Variants in TRMT44 observed in about 807,000 individuals in gnomAD.
The protein encoded by TRMT44 is tRNA methyltransferase 44 homolog.
A neutral mutation model predicts 77.3 loss-of-function variants in TRMT44; 78 were observed. That is an observed-to-expected ratio of 1.01 (90% CI 0.84 to 1.22). The LOEUF is 1.22. Ranked by LOEUF, TRMT44 falls within the 50% of genes most tolerant of loss-of-function variation. The pLI is 0.00. For missense variants in TRMT44, 1,090 were observed against 964.4 expected (o/e 1.13, Z -1.73); for synonymous variants, 391 against 383.3 (o/e 1.02, Z -0.23).
Position 8,465,450 on chromosome 4 carries a change from G to A in TRMT44, c.1383G>A (p.Arg461=). 6.2e-7 allele frequency: 1 copy of A among 1,614,160 alleles called. No individual in the cohort carries two copies. The highest frequency in any genetic ancestry group is 8.5e-7 in the Non-Finnish European group (1 of 1,180,018). The change falls in exon 8 of 11, where the codon AGG becomes AGA. Residue 461 remains arginine (R), a synonymous_variant. Transcript: ENST00000389737. ...FFDFIGRYSR[R]QSKKTQYREY... is the part of the protein sequence containing the mutation. The stretch of plus-strand genomic sequence containing the variant: ...ACTTCATTGGAAGATACTCCCGGAG[G>A]CAGAGTAAGAAGACTCAGTACCGGG...
downstream of TRMT44, among the ~76,000 whole-genome samples, chr4:8,494,670 T>C (rs1417521077): frequency 2.6e-5 from 4 of 152,168 alleles, no homozygotes; most frequent in Non-Finnish European, 4.4e-5. Context: ...CCACCTTGAG[T>C]GCATGTCATC....
chr4:8,459,846 C>G lies in TRMT44; in HGVS notation c.1204-4139C>G, dbSNP rs1363181720. On this transcript the variant is annotated intron_variant, in intron 6 of 10. Coordinates refer to ENST00000389737, the MANE Select transcript of TRMT44 (RefSeq NM_152544.3). ...CATGGGAAGGGGTGGGAGGCAGACA[C>G]ACAGCCAGTGTGTGCAGCAGGTTCG... is the stretch of plus-strand genomic sequence containing the variant. 2.6e-5 allele frequency among the ~76,000 whole-genome samples: 4 copies of G among 152,204 alleles called. No individual in the cohort carries two copies. The East Asian group carries it at 7.7e-4, about 29-fold the overall frequency.
Position 8,461,254 on chromosome 4 carries a change from A to G in TRMT44, c.1204-2731A>G, listed in dbSNP as rs564227391. On this transcript the variant is annotated intron_variant, in intron 6 of 10. Coordinates refer to ENST00000389737, the MANE Select transcript of TRMT44 (RefSeq NM_152544.3). The surrounding 1 kb of genome is among the most constrained non-coding windows in gnomAD (Gnocchi z 4.6). ...CATTAGGAAATGTTTTCAAAACCTC[A>G]GGTTTGAGGAATGTTGGTAATCTAG... is the stretch of plus-strand genomic sequence containing the variant. Among the ~76,000 whole-genome samples the G allele has an allele frequency of 2.0e-5, 3 of 152,224 alleles. No individual in the cohort carries two copies. The highest frequency in any genetic ancestry group is 2.9e-5 in the Non-Finnish European group (2 of 68,016).
In TRMT44 at chr4:8,490,628, G is replaced by C. The variant is rs563750767; in HGVS notation, n.3892-2638G>C. On this transcript the variant is annotated intron_variant and non_coding_transcript_variant, in intron 2 of 2. Coordinates refer to the TRMT44 transcript ENST00000511366. Reference sequence around the variant, plus strand: ...TGGTCTCTCTGGCTTCAGGAGTGAAGCTGCAGACCTTCGCGGTGAGTGTTA... The same window carrying C: ...TGGTCTCTCTGGCTTCAGGAGTGAACCTGCAGACCTTCGCGGTGAGTGTTA... Among the ~76,000 whole-genome samples, 3 of 152,324 alleles carry C rather than the reference G, an allele frequency of 2.0e-5. No individual in the cohort carries two copies. In the South Asian group the frequency reaches 6.2e-4, roughly 32 times the overall value.
intron 2 of TRMT44, among the ~76,000 whole-genome samples, chr4:8,447,845 C>T (rs553400438): frequency 6.6e-6 from 1 of 152,308 alleles, no homozygotes; most frequent in African/African-American, 2.4e-5. Context: ...CCAGGCACCT[C>T]TGTGCTCGGC....
intron 10 of TRMT44, among the ~76,000 whole-genome samples, chr4:8,472,352 G>A (rs1038104191): frequency 2.3e-4 from 35 of 152,306 alleles, no homozygotes; most frequent in African/African-American, 7.9e-4. Flanking sequence ...GGTTACAGCC[G>A]CCATGACCAG....
chr4:8,496,095 T>A (rs1728142591), downstream of TRMT44, among the ~76,000 whole-genome samples: 1 of 152,158 alleles, frequency 6.6e-6, no homozygotes, highest in Non-Finnish European at 1.5e-5. Flanking sequence ...TGAGAAACCT[T>A]CATTTGCATA....
At chr4:8,466,896 G>T (rs1225896172) in intron 8 of TRMT44, among the ~76,000 whole-genome samples, 1 of 152,226 alleles carries the variant, frequency 6.6e-6, no homozygotes, top group African/African-American at 2.4e-5. Context: ...CAGGCACTGA[G>T]AATTTAAAAT....
intron 2 of TRMT44, among the ~76,000 whole-genome samples, chr4:8,489,632 A>G (rs756815442): frequency 2.0e-5 from 3 of 152,088 alleles, no homozygotes; most frequent in Non-Finnish European, 4.4e-5. Context: ...GTTAGCCACC[A>G]CGCCTGGCTA....
intron 6 of TRMT44, among the ~76,000 whole-genome samples, chr4:8,462,957 A>G (rs1579065049): frequency 6.6e-6 from 1 of 152,244 alleles, no homozygotes; most frequent in East Asian, 1.9e-4. Flanking sequence ...CTTGAACAAT[A>G]CTATTTTCAG....
At position 8,449,870 on chromosome 4, in the gene TRMT44, G is replaced by A. The variant is rs1189950813; in HGVS notation, c.936G>A (p.Lys312=). ...AGGCTTACCAGGAACTTAAAGAGAAGTATAAGGAAATGGTTAAGGTAATTC... is the reference window on the plus strand; with the variant it reads ...AGGCTTACCAGGAACTTAAAGAGAAATATAAGGAAATGGTTAAGGTAATTC... The part of the protein sequence containing the change: ...YSKAYQELKE[K]YKEMVKVWPE... Residue 312 remains lysine (K), a synonymous_variant, in exon 3 of 11, where the codon AAG becomes AAA. Transcript: ENST00000389737. 4.8e-6 allele frequency: 7 copies of A among 1,472,978 alleles called. No homozygotes were observed. The Admixed American group carries it at 1.2e-4, about 26-fold the overall frequency. 91.2% of individuals were successfully genotyped at this position (1,472,978 alleles called of 1,614,324 possible). A position where few individuals can be genotyped will look rare whatever the true frequency, so the allele number is the denominator to read the frequency against.
downstream of TRMT44, among the ~76,000 whole-genome samples, chr4:8,494,373 T>C (rs918088633): frequency 1.3e-5 from 2 of 152,204 alleles, no homozygotes; most frequent in Non-Finnish European, 2.9e-5. Context: ...CTCAAAGTCA[T>C]CCCTCTGCTC....
rs1368948894 is a variant in TRMT44, at chr4:8,476,154, A to G, written c.*153A>G. 7 of 697,560 alleles carry G rather than the reference A, an allele frequency of 1.0e-5. No individual in the cohort carries two copies. Among genetic ancestry groups the G allele is most frequent in the Non-Finnish European group, 1.2e-5 (5 of 422,510 alleles). The allele number at this position is 697,560 out of a possible 1,614,324, so 43.2% of individuals were successfully genotyped here. ...TCCTCACAGTGATGAACCGTATTTCATAAACATCACACGCCAGAGAAGCCA... is the reference window on the plus strand; with the variant it reads ...TCCTCACAGTGATGAACCGTATTTCGTAAACATCACACGCCAGAGAAGCCA... On this transcript the variant is annotated 3_prime_UTR_variant, in exon 11 of 11. Transcript: ENST00000389737.
At chr4:8,466,026 C>T (rs118096295) in intron 8 of TRMT44, among the ~76,000 whole-genome samples, 165 of 152,316 alleles carry the variant, frequency 1.1e-3, no homozygotes, top group East Asian at 5.6e-3. Context: ...GAAGTTGGCC[C>T]GGGGGCTTTC....
chr4:8,450,057 C>G (rs1314972959), intron 3 of TRMT44, among the ~76,000 whole-genome samples, 169 bp downstream of exon 3: 1 of 149,098 alleles, frequency 6.7e-6, no homozygotes, highest in Non-Finnish European at 1.5e-5. Context: ...ACCTCTGCCT[C>G]CCGGGTTCAA....
At chr4:8,479,849 C>T (rs919356655), downstream of TRMT44, among the ~76,000 whole-genome samples, 10 of 151,100 alleles carry the variant, frequency 6.6e-5, no homozygotes, top group Admixed American at 2.6e-4. Context: ...AAACACACAT[C>T]GTACAGCTGT....
chr4:8,515,682 G>A, the TRMT44 span, among the ~76,000 whole-genome samples: 1 of 152,132 alleles, frequency 6.6e-6, no homozygotes, highest in Admixed American at 6.5e-5. Context: ...TAGGGGTTGG[G>A]GTGCTCCTGA....
At chr4:8,476,637 AC>A (rs1229503941), downstream of TRMT44, 1 of 152,590 alleles carries the variant, frequency 6.6e-6, no homozygotes, top group African/African-American at 2.4e-5. Context: ...ATCACAGATG[AC>A]AAAGGTAAGA....
chr4:8,500,600 A>G, the TRMT44 span, among the ~76,000 whole-genome samples: 1 of 151,720 alleles, frequency 6.6e-6, no homozygotes, highest in Non-Finnish European at 1.5e-5. Flanking sequence ...TCCCCACTCC[A>G]GGGGTCTGAA....
Sources: allele counts gnomAD v4.1 joint callset (sites outside exome capture counted in the v4.1 genomes callset), GRCh38; gene constraint gnomAD v4.1.1; non-coding constraint Gnocchi (gnomAD v3.1); transcripts MANE v1.5; gene names NCBI Gene and HGNC (gene_info 2026-07-23, HGNC 2026-07-21).